Variants in CELF2 observed in about 807,000 individuals in gnomAD.
CELF2 encodes the protein CUGBP Elav-like family member 2.
CELF2 carries 8 observed loss-of-function variants against 62.6 expected under a neutral mutation model. The ratio of observed to expected loss-of-function variants is 0.13; its 90% CI spans 0.07 to 0.23. The LOEUF (loss-of-function observed/expected upper bound fraction) is 0.23, where lower values mean the gene tolerates loss of function less well. Ranked by LOEUF, CELF2 falls within the 10% of genes least tolerant of loss-of-function variation. The probability of loss-of-function intolerance (pLI) is 1.00; values close to 1 mark genes in which losing one functional copy is unlikely to be tolerated. For missense variants in CELF2, 333 were observed against 671.0 expected, an observed-to-expected ratio of 0.50 and a Z score of 5.56; for synonymous variants, 258 against 250.0, an observed-to-expected ratio of 1.03 and a Z score of -0.30.
At chr10:10,737,841 A>G in the CELF2 span, among the ~76,000 whole-genome samples, 7 of 152,324 alleles carry the variant, frequency 4.6e-5, no homozygotes, top group Middle Eastern at 3.4e-3. Flanking sequence ...TAAGAAGTGA[A>G]GACACAGTGC....
At chr10:10,876,162 T>G (rs967589097) in intron 1 of CELF2, among the ~76,000 whole-genome samples, 1 of 152,152 alleles carries the variant, frequency 6.6e-6, no homozygotes, top group African/African-American at 2.4e-5. Flanking sequence ...CCAGGGTTTG[T>G]GCAAAGGACC....
At chr10:10,737,895 T>A in the CELF2 span, among the ~76,000 whole-genome samples, 1 of 152,212 alleles carries the variant, frequency 6.6e-6, no homozygotes, top group Non-Finnish European at 1.5e-5. Flanking sequence ...CTAATGGACT[T>A]CCAATGGCCT....
the CELF2 span, among the ~76,000 whole-genome samples, chr10:10,663,381 ATCCAGGATAT>A: frequency 6.6e-6 from 1 of 152,186 alleles, no homozygotes; most frequent in South Asian, 2.1e-4. Context: ...CACAAGAAAA[ATCCAGGATAT>A]TCATACACTG....
At chr10:10,684,814 G>A in the CELF2 span, among the ~76,000 whole-genome samples, 62 of 152,242 alleles carry the variant, frequency 4.1e-4, no homozygotes, top group Middle Eastern at 0.01. Flanking sequence ...AGAATAGAAC[G>A]TGCTATTTTG....
chr10:10,682,616 T>C, the CELF2 span, among the ~76,000 whole-genome samples: 4 of 152,180 alleles, frequency 2.6e-5, no homozygotes, highest in Non-Finnish European at 5.9e-5. Flanking sequence ...TCCTGGGATA[T>C]AAACATTTCT....
chr10:10,745,201 T>C, the CELF2 span, among the ~76,000 whole-genome samples: 1 of 151,944 alleles, frequency 6.6e-6, no homozygotes, highest in Non-Finnish European at 1.5e-5. Context: ...CATGGCCTAC[T>C]TGTGATTTTC....
chr10:10,667,656 G>A, the CELF2 span, among the ~76,000 whole-genome samples: 1 of 152,134 alleles, frequency 6.6e-6, no homozygotes. Context: ...CCGTGTGTGG[G>A]CTTATGCAAA....
intron 1 of CELF2, among the ~76,000 whole-genome samples, chr10:10,869,584 CA>C (rs1258894893): frequency 6.6e-6 from 1 of 151,680 alleles, no homozygotes; most frequent in Admixed American, 6.6e-5. Context: ...AAAATGGAAA[CA>C]ACAAATGTCC....
At position 11,275,189 on chromosome 10, in the gene CELF2, A is replaced by T. The variant is rs2085558879; in HGVS notation, c.841+69A>T. 5 of 1,439,580 alleles carry T rather than the reference A, an allele frequency of 3.5e-6. No individual in the cohort carries two copies. The Admixed American group carries it at 8.4e-5, about 24-fold the overall frequency. The allele number at this position is 1,439,580 out of a possible 1,614,324, so 89.2% of individuals were successfully genotyped here. A position where few individuals can be genotyped will look rare whatever the true frequency, so the allele number is the denominator to read the frequency against. ...AGAATTTGGGGTTGGTTCCGAGGGC[A>T]AAGACAAGAAGCAGGGGAAGAGAAC... On this transcript the variant is annotated intron_variant, in intron 8 of 12. Transcript: ENST00000633077.
At chr10:10,816,909 T>C (rs951631320) in intron 1 of CELF2, among the ~76,000 whole-genome samples, 10 of 152,168 alleles carry the variant, frequency 6.6e-5, no homozygotes, top group Admixed American at 5.9e-4. Context: ...AATATGCAAA[T>C]ATGCACTACT....
At chr10:10,768,916 G>T in the CELF2 span, among the ~76,000 whole-genome samples, 2 of 152,048 alleles carry the variant, frequency 1.3e-5, no homozygotes, top group Non-Finnish European at 2.9e-5. Flanking sequence ...ATGTGTCCCT[G>T]CTAGTAGCTG....
the CELF2 span, among the ~76,000 whole-genome samples, chr10:10,664,901 C>T: frequency 0.22 from 33,913 of 152,010 alleles, 3,983 homozygotes; most frequent in South Asian, 0.44. Flanking sequence ...ATTTACTGTT[C>T]GAACTAAAAT....
At chr10:11,304,891 T>TG (rs1163390282) in intron 9 of CELF2, among the ~76,000 whole-genome samples, 1 of 151,984 alleles carries the variant, frequency 6.6e-6, no homozygotes, top group African/African-American at 2.4e-5. Flanking sequence ...GGCTGGGGGG[T>TG]GAACAGAGAA....
In CELF2 at chr10:10,894,960, AATAAT is replaced by A. The variant is rs559965752; in HGVS notation, c.54-25001_54-24997del. On this transcript the variant is annotated intron_variant, in intron 1 of 13. Transcript: ENST00000636488. Reference sequence around the variant, plus strand: ...GGTAATATTATGAAGTGAAACTTATAATAATATGAGTCCGTATTCATTGAGAATCA... The same window carrying A: ...GGTAATATTATGAAGTGAAACTTATAATGAGTCCGTATTCATTGAGAATCA... 1.2e-3 allele frequency among the ~76,000 whole-genome samples: 181 copies of A among 152,332 alleles called. 1 individual carries two copies. The highest frequency in any genetic ancestry group is 4.2e-3 in the African/African-American group (173 of 41,574).
chr10:11,241,851 C>A (rs1378852164), intron 3 of CELF2, among the ~76,000 whole-genome samples: 7 of 152,086 alleles, frequency 4.6e-5, no homozygotes, highest in African/African-American at 1.7e-4. Flanking sequence ...GATGGGCCTC[C>A]AGTTGGTGGC....
In CELF2 at chr10:10,938,259, T is replaced by C. The variant is rs970145243; in HGVS notation, c.89+18260T>C. Among the ~76,000 whole-genome samples the C allele has an allele frequency of 6.6e-6, 1 of 152,196 alleles. No homozygotes were observed. The highest frequency in any genetic ancestry group is 1.5e-5 in the Non-Finnish European group (1 of 68,036). On this transcript the variant is annotated intron_variant, in intron 2 of 13. Coordinates refer to the CELF2 transcript ENST00000636488. This position sits in a 1 kb window ranked among gnomAD's most constrained non-coding sequence, Gnocchi z 4.2. ...CAAGAACAACTGGTTTGATTCAAGG[T>C]ATTATATTATTTTGCAGTATAGGAA...
chr10:10,852,704 C>T (rs897831364), intron 1 of CELF2, among the ~76,000 whole-genome samples: 3 of 152,158 alleles, frequency 2.0e-5, no homozygotes, highest in Non-Finnish European at 4.4e-5. Flanking sequence ...ATGTTACCCT[C>T]GGGGGAAATG....
the CELF2 span, among the ~76,000 whole-genome samples, chr10:10,529,816 G>T: frequency 2.6e-5 from 4 of 152,030 alleles, no homozygotes; most frequent in Non-Finnish European, 5.9e-5. Flanking sequence ...GTATAATAAG[G>T]ATGACAAAGA....
At chr10:10,789,191 G>T in the CELF2 span, among the ~76,000 whole-genome samples, 18 of 152,224 alleles carry the variant, frequency 1.2e-4, no homozygotes, top group East Asian at 3.1e-3. Context: ...GTTCCTCTCT[G>T]GGGACTATGG....
Sources: gnomAD v4.1 joint callset for allele counts (sites outside exome capture counted in the v4.1 genomes callset) on GRCh38, gnomAD v4.1.1 for gene constraint, Gnocchi (gnomAD v3.1) non-coding constraint, MANE v1.5 for transcripts, NCBI Gene and HGNC (gene_info 2026-07-23, HGNC 2026-07-21) for gene names.